Variants in OR10S1 observed in about 807,000 individuals in gnomAD.
The protein encoded by OR10S1 is olfactory receptor family 10 subfamily S member 1, also known as olfactory receptor 10S1.
For synonymous variants in OR10S1, 167 were observed against 164.1 expected (o/e 1.02, Z -0.13); for missense variants, 415 against 407.9 (o/e 1.02, Z -0.15).
exon 1 of OR10S1, chr11:123,976,698 A>G (rs765866728): frequency 4.0e-5 from 65 of 1,605,836 alleles, no homozygotes; most frequent in Non-Finnish European, 5.2e-5. Flanking sequence ...AGCACAGACT[A>G]TGGGGGTGGG....
At chr11:123,977,663 A>G in exon 1 of OR10S1, 3 of 1,601,814 alleles carry the variant, frequency 1.9e-6, no homozygotes, top group Non-Finnish European at 2.5e-6. Context: ...TGTCATGGTC[A>G]TCTTCTCACA....
exon 1 of OR10S1, chr11:123,977,176 G>C (rs768057937): frequency 1.9e-6 from 3 of 1,614,236 alleles, no homozygotes; most frequent in Non-Finnish European, 2.5e-6. Flanking sequence ...GGGAGGTGTG[G>C]ATTGCAGCGT....
exon 1 of OR10S1, chr11:123,977,413 C>T (rs376676003): frequency 3.7e-6 from 6 of 1,614,010 alleles, no homozygotes; most frequent in Non-Finnish European, 5.1e-6. Flanking sequence ...CTGCCATGAC[C>T]TTGGGCACTG....
exon 1 of OR10S1, chr11:123,976,950 G>C (rs776243358): frequency 8.1e-6 from 13 of 1,613,966 alleles, no homozygotes; most frequent in Non-Finnish European, 1.0e-5. Context: ...GCCCGCTGCC[G>C]GCCCTGGGCT....
At chr11:123,977,253 G>C (rs1210054341) in exon 1 of OR10S1, 1 of 1,614,192 alleles carries the variant, frequency 6.2e-7, no homozygotes, top group Admixed American at 1.7e-5. Context: ...ATGGCCACTG[G>C]GTAGTGCAGG....
chr11:123,977,565 G>T, exon 1 of OR10S1: 4 of 1,613,776 alleles, frequency 2.5e-6, no homozygotes, highest in Non-Finnish European at 3.4e-6. Context: ...AGGAGGAAGA[G>T]GAGGAAGAAG....
chr11:123,977,106 G>T (rs1468626044), exon 1 of OR10S1: 2 of 1,614,228 alleles, frequency 1.2e-6, no homozygotes, highest in Admixed American at 1.7e-5. Context: ...AGGACAGGGG[G>T]TATGTCGCAG....
In OR10S1 at chr11:123,976,662, C is replaced by T. The variant is rs776987676; in HGVS notation, c.*34G>A. On this transcript the variant is annotated 3_prime_UTR_variant, in exon 1 of 1. Coordinates refer to ENST00000641123, the Ensembl canonical transcript of OR10S1. Reference sequence around the variant, plus strand: ...ATTTGAGATGTGAATAGTTGCTTTCCTGGCAGGCAAATTGTGAGTTTTGAT... The same window carrying T: ...ATTTGAGATGTGAATAGTTGCTTTCTTGGCAGGCAAATTGTGAGTTTTGAT... The T allele has an allele frequency of 3.2e-6, 5 of 1,549,756 alleles. No individual in the cohort carries two copies. In the Admixed American group the frequency reaches 9.6e-5, roughly 30 times the overall value.
Position 123,977,461 on chromosome 11 carries a change from C to T in OR10S1, c.204G>A (p.Gly68=), listed in dbSNP as rs780998182. ...AACAGGCATCCAGGAAGGAGAGGTG[C>T]CCCAGGAAGTGGTACATGGGTAAGC... is the stretch of plus-strand genomic sequence containing the variant. The change falls in exon 1 of 1, where the codon GGG becomes GGA. Residue 68 remains glycine (G), a synonymous_variant. Coordinates refer to ENST00000641123, the Ensembl canonical transcript of OR10S1. 4.3e-6 allele frequency: 7 copies of T among 1,614,068 alleles called. No individual in the cohort carries two copies. In the East Asian group the frequency reaches 6.7e-5, roughly 15 times the overall value.
rs769099597 is a variant in OR10S1, at chr11:123,977,522, A to G, written c.143T>C (p.Leu48Pro). The G allele has an allele frequency of 1.2e-6, 2 of 1,613,852 alleles. No homozygotes were observed. The highest frequency in any genetic ancestry group is 4.5e-5 in the East Asian group (2 of 44,894). Residue 48 changes from leucine to proline, a missense_variant, in exon 1 of 1, where the codon CTC becomes CCC. Coordinates refer to ENST00000641123, the Ensembl canonical transcript of OR10S1. Reference sequence around the variant, plus strand: ...GTCAGAGCCCACAGTTAGGAGGATGAGGAGATTCCCAGCCACAGTGATGCT... The same window carrying G: ...GTCAGAGCCCACAGTTAGGAGGATGGGGAGATTCCCAGCCACAGTGATGCT...
At chr11:123,977,268 G>C in exon 1 of OR10S1, 1 of 1,614,198 alleles carries the variant, frequency 6.2e-7, no homozygotes, top group Non-Finnish European at 8.5e-7. Flanking sequence ...TGCAGGGGTT[G>C]ACAGATAGCC....
rs1863723265 is a variant in OR10S1, at chr11:123,976,829, A to T, written c.836T>A (p.Val279Asp). The change falls in exon 1 of 1, where the codon GTC becomes GAC. Residue 279 changes from valine (V) to aspartate (D), a missense_variant. Coordinates refer to ENST00000641123, the Ensembl canonical transcript of OR10S1. ...CATTGGAGTTACGATTGTGTAGAAG[A>T]CAGCAGGGGCCCCAGCTCCTGCCTC... 6.2e-7 allele frequency: 1 copy of T among 1,614,190 alleles called. No homozygotes were observed. The highest frequency in any genetic ancestry group is 1.3e-5 in the African/African-American group (1 of 75,050).
Position 123,977,755 on chromosome 11 carries a change from T to C in OR10S1, c.-91A>G, listed in dbSNP as rs1403638084. 5 of 1,442,256 alleles carry C rather than the reference T, an allele frequency of 3.5e-6. No individual in the cohort carries two copies. The highest frequency in any genetic ancestry group is 1.8e-5 in the Admixed American group (1 of 56,422). The allele number at this position is 1,442,256 out of a possible 1,614,324, so 89.3% of individuals were successfully genotyped here. ...CTGTATCCCTTTCCTGAGATGTCATTATCCATCAAGCCACACCACCTTGGT... is the reference window on the plus strand; with the variant it reads ...CTGTATCCCTTTCCTGAGATGTCATCATCCATCAAGCCACACCACCTTGGT... On this transcript the variant is annotated 5_prime_UTR_variant, in exon 1 of 1. It adds an upstream start codon to the 5' untranslated region. Transcript: ENST00000641123.
exon 1 of OR10S1, chr11:123,976,713 C>T: frequency 6.2e-7 from 1 of 1,610,866 alleles, no homozygotes; most frequent in Non-Finnish European, 8.5e-7. Context: ...GGTGGGCTGC[C>T]TGCTGTAGAC....
At chr11:123,977,681 C>G (rs142345245) in exon 1 of OR10S1, 1 of 1,598,922 alleles carries the variant, frequency 6.3e-7, no homozygotes, top group Non-Finnish European at 8.5e-7. Context: ...ACACACAGAG[C>G]GGCTAGTCAT....
At chr11:123,976,798 G>T (rs1449444120) in exon 1 of OR10S1, 1 of 1,614,094 alleles carries the variant, frequency 6.2e-7, no homozygotes, top group Non-Finnish European at 8.5e-7. Context: ...AAATGAATGG[G>T]TTGAGCATTG....
exon 1 of OR10S1, chr11:123,977,412 C>G: frequency 6.2e-7 from 1 of 1,614,124 alleles, no homozygotes; most frequent in Non-Finnish European, 8.5e-7. Context: ...CCTGCCATGA[C>G]CTTGGGCACT....
At chr11:123,977,543 A>C (rs372266906) in exon 1 of OR10S1, 12 of 1,613,890 alleles carry the variant, frequency 7.4e-6, no homozygotes, top group African/African-American at 2.7e-5. Context: ...AGCCACAGTG[A>C]TGCTGTAGAT....
At chr11:123,977,729 G>A (rs781550775) in exon 1 of OR10S1, 22 of 1,556,806 alleles carry the variant, frequency 1.4e-5, no homozygotes, top group Non-Finnish European at 1.8e-5. Flanking sequence ...GGAATAAATA[G>A]CTGTATCCCT....
Sources: gnomAD v4.1 joint callset for allele counts on GRCh38, gnomAD v4.1.1 for gene constraint, MANE v1.5 for transcripts, NCBI Gene and HGNC (gene_info 2026-07-23, HGNC 2026-07-21) for gene names.